PRKG1: variants seen among roughly 807,000 people sequenced by gnomAD.
PRKG1 encodes cGMP-dependent protein kinase 1.
In PRKG1, 35 loss-of-function variants were observed where a neutral mutation model predicts 88.1. The observed-to-expected ratio is 0.40, with a 90% confidence interval of 0.30 to 0.53. The LOEUF is 0.53. PRKG1 is among the 20% of genes least tolerant of loss of function. The pLI is 0.59. For missense variants in PRKG1, 540 were observed against 839.8 expected (o/e 0.64, Z 4.41); for synonymous variants, 303 against 292.5 (o/e 1.04, Z -0.37).
chr10:51,496,011 A>AT (rs1840840642), intron 3 of PRKG1, among the ~76,000 whole-genome samples: 1 of 152,186 alleles, frequency 6.6e-6, no homozygotes, highest in African/African-American at 2.4e-5. Flanking sequence ...AGTACCTTAG[A>AT]TTTTTTTAAC....
At chr10:51,697,543 AACAG>A in intron 3 of PRKG1, 1 of 782,774 alleles carries the variant, frequency 1.3e-6, no homozygotes. Context: ...AAAAAAGGAA[AACAG>A]AAAGAAAGAA....
chr10:51,113,533 C>T (rs1476717054), intron 1 of PRKG1, among the ~76,000 whole-genome samples: 2 of 152,000 alleles, frequency 1.3e-5, no homozygotes, highest in Non-Finnish European at 2.9e-5. Context: ...AAAAACTGTT[C>T]AGTGTTTTTA....
intron 5 of PRKG1, among the ~76,000 whole-genome samples, chr10:52,047,980 A>C (rs1185772181): frequency 6.6e-6 from 1 of 152,100 alleles, no homozygotes; most frequent in Non-Finnish European, 1.5e-5. Context: ...GTCATGCTTT[A>C]GTTGAGATGT....
chr10:51,580,559 T>A (rs1050426733), intron 3 of PRKG1, among the ~76,000 whole-genome samples: 4 of 152,136 alleles, frequency 2.6e-5, no homozygotes, highest in African/African-American at 9.7e-5. Flanking sequence ...TCCTCTTTCT[T>A]GAAAATGCCA....
intron 5 of PRKG1, among the ~76,000 whole-genome samples, chr10:52,048,523 A>C: frequency 1.3e-5 from 2 of 152,308 alleles, no homozygotes; most frequent in Middle Eastern, 6.8e-3. Flanking sequence ...GTCACCATCA[A>C]GGCCTTCAAC....
At chr10:51,913,209 G>A (rs550362144) in intron 5 of PRKG1, among the ~76,000 whole-genome samples, 57 of 152,248 alleles carry the variant, frequency 3.7e-4, no homozygotes, top group African/African-American at 1.2e-3. Context: ...GATTACAGGC[G>A]TGAGCCACGG....
chr10:51,104,754 A>C (rs1844786548), intron 1 of PRKG1, among the ~76,000 whole-genome samples: 1 of 140,472 alleles, frequency 7.1e-6, no homozygotes, highest in Non-Finnish European at 1.6e-5. Context: ...TTTGTGATGG[A>C]GTTTTGCTCT....
intron 1 of PRKG1, among the ~76,000 whole-genome samples, chr10:51,116,113 A>G (rs1446838372): frequency 6.6e-6 from 1 of 152,180 alleles, no homozygotes. Flanking sequence ...TAACTAATTG[A>G]GAAAGGTGAG....
At chr10:51,913,323 G>A (rs1226645421) in intron 5 of PRKG1, among the ~76,000 whole-genome samples, 1 of 152,168 alleles carries the variant, frequency 6.6e-6, no homozygotes. Flanking sequence ...TGTCACCCAG[G>A]TAGTGAGCAT....
chr10:51,125,878 A>G (rs1225378119), intron 1 of PRKG1, among the ~76,000 whole-genome samples: 1 of 138,562 alleles, frequency 7.2e-6, no homozygotes, highest in Non-Finnish European at 1.5e-5. Context: ...TTTTTAATAA[A>G]CTTATATGAT....
intron 2 of PRKG1, among the ~76,000 whole-genome samples, chr10:51,294,554 G>C (rs1313049482): frequency 6.6e-6 from 1 of 152,120 alleles, no homozygotes; most frequent in Admixed American, 6.6e-5. Context: ...TGGTGCAATA[G>C]TAATTGTGGT....
intron 2 of PRKG1, among the ~76,000 whole-genome samples, chr10:51,339,873 C>G (rs933453209): frequency 6.6e-6 from 1 of 151,986 alleles, no homozygotes; most frequent in Admixed American, 6.6e-5. Flanking sequence ...ATTTTTGCTG[C>G]TTAATCTCTG....
At chr10:51,214,730 G>A (rs534399259) in intron 2 of PRKG1, among the ~76,000 whole-genome samples, 1 of 152,098 alleles carries the variant, frequency 6.6e-6, no homozygotes, top group East Asian at 1.9e-4. Context: ...CTCCCGCTTG[G>A]CCTGCCAAAG....
intron 3 of PRKG1, among the ~76,000 whole-genome samples, chr10:51,655,647 G>A (rs1391700287): frequency 6.6e-6 from 1 of 151,966 alleles, no homozygotes; most frequent in Non-Finnish European, 1.5e-5. Flanking sequence ...TTAAAAGTGG[G>A]AATCTATTAA....
intron 5 of PRKG1, among the ~76,000 whole-genome samples, chr10:51,965,028 G>A (rs1415389833): frequency 6.6e-6 from 1 of 152,164 alleles, no homozygotes; most frequent in Non-Finnish European, 1.5e-5. Flanking sequence ...ATTGAAATTT[G>A]TTCTTATAAA....
intron 9 of PRKG1, among the ~76,000 whole-genome samples, chr10:52,219,627 AC>A: frequency 6.6e-6 from 1 of 151,324 alleles, no homozygotes; most frequent in East Asian, 1.9e-4. Context: ...AAATTAAATA[AC>A]CCCCATACTG....
intron 1 of PRKG1, among the ~76,000 whole-genome samples, chr10:51,105,005 C>G (rs981579337): frequency 3.9e-5 from 6 of 152,100 alleles, no homozygotes; most frequent in East Asian, 1.9e-4. Flanking sequence ...GCTGGGATTA[C>G]AGGCATGGGC....
intron 3 of PRKG1, among the ~76,000 whole-genome samples, chr10:51,682,775 C>G (rs545324411): frequency 6.6e-6 from 1 of 152,142 alleles, no homozygotes; most frequent in Non-Finnish European, 1.5e-5. Context: ...AGAATTTGAA[C>G]ACAGGCAGAG....
chr10:51,426,901 C>A (rs918076299), intron 2 of PRKG1, among the ~76,000 whole-genome samples: 6 of 151,900 alleles, frequency 3.9e-5, no homozygotes, highest in Admixed American at 3.9e-4. Context: ...ATATGACTTT[C>A]TTTTTTTTGA....
Sources: allele counts gnomAD v4.1 joint callset (sites outside exome capture counted in the v4.1 genomes callset), GRCh38; gene constraint gnomAD v4.1.1; transcripts MANE v1.5; gene names NCBI Gene and HGNC (gene_info 2026-07-23, HGNC 2026-07-21).